Variants in TMEM108 observed in about 807,000 individuals in gnomAD.
The protein encoded by TMEM108 is transmembrane protein 108, also known as cancer/testis antigen 124.
In TMEM108, 12 loss-of-function variants were observed where a neutral mutation model predicts 35.1. The ratio of observed to expected loss-of-function variants is 0.34; its 90% CI spans 0.22 to 0.55. The LOEUF (loss-of-function observed/expected upper bound fraction) is 0.55, where lower values mean the gene tolerates loss of function less well. TMEM108 is among the 20% of genes least tolerant of loss of function. The pLI is 0.89. For missense variants in TMEM108, 680 were observed against 753.3 expected (o/e 0.90, Z 1.14); for synonymous variants, 287 against 308.6 (o/e 0.93, Z 0.73).
intron 3 of TMEM108, among the ~76,000 whole-genome samples, chr3:133,363,572 A>AT (rs889497378): frequency 6.6e-6 from 1 of 151,914 alleles, no homozygotes; most frequent in African/African-American, 2.4e-5. Flanking sequence ...CACCCAGCTA[A>AT]TTTTTTGCAT....
intron 2 of TMEM108, among the ~76,000 whole-genome samples, chr3:133,072,312 T>C (rs560426397): frequency 2.0e-5 from 3 of 152,226 alleles, no homozygotes; most frequent in Non-Finnish European, 4.4e-5. Context: ...TTATAATGAA[T>C]ATGACACTGC....
chr3:133,227,624 T>C (rs972109243), intron 2 of TMEM108, among the ~76,000 whole-genome samples: 2 of 151,396 alleles, frequency 1.3e-5, no homozygotes, highest in African/African-American at 2.4e-5. Flanking sequence ...AGGCCAGGCA[T>C]GGTGGCTCAC....
At chr3:133,384,821 C>T (rs994654827) in intron 4 of TMEM108, among the ~76,000 whole-genome samples, 1 of 152,200 alleles carries the variant, frequency 6.6e-6, no homozygotes, top group African/African-American at 2.4e-5. Context: ...TTGAAAATGC[C>T]TTCACCCATC....
chr3:133,113,813 T>TAA (rs746446709), intron 2 of TMEM108, among the ~76,000 whole-genome samples: 17 of 151,976 alleles, frequency 1.1e-4, no homozygotes, highest in Non-Finnish European at 2.1e-4. Context: ...TATATATATA[T>TAA]AATCATTGGT....
chr3:133,387,950 G>A lies in TMEM108; in HGVS notation c.1451-2230G>A, dbSNP rs115127417. ...AAATATCTTTCTACCTTAGAGAGGC[G>A]TGCAAACTATACAAATCTGACTCAC... is the stretch of plus-strand genomic sequence containing the variant. On this transcript the variant is annotated intron_variant, in intron 4 of 5. Transcript: ENST00000321871. 579 of 985,424 alleles carry A rather than the reference G, an allele frequency of 5.9e-4. 4 individuals are homozygous for A. In the African/African-American group the frequency reaches 8.9e-3, roughly 15 times the overall value. The allele number at this position is 985,424 out of a possible 1,614,324, so 61.0% of individuals were successfully genotyped here.
At chr3:133,160,683 C>T (rs1944948521) in intron 2 of TMEM108, among the ~76,000 whole-genome samples, 1 of 152,220 alleles carries the variant, frequency 6.6e-6, no homozygotes, top group Non-Finnish European at 1.5e-5. Flanking sequence ...TCACTGCTAA[C>T]CTATCTGTGC....
chr3:133,209,760 C>A (rs549162151), intron 2 of TMEM108, among the ~76,000 whole-genome samples: 3 of 152,256 alleles, frequency 2.0e-5, no homozygotes, highest in African/African-American at 7.2e-5. Context: ...ATGCCATCTT[C>A]AGGAAAAGGA....
chr3:133,187,580 T>C (rs1945438544), intron 2 of TMEM108, among the ~76,000 whole-genome samples: 3 of 152,232 alleles, frequency 2.0e-5, no homozygotes, highest in Admixed American at 1.3e-4. Flanking sequence ...TAAAACCCTG[T>C]CTCTACTAAA....
chr3:133,343,559 G>T (rs189193753), intron 3 of TMEM108, among the ~76,000 whole-genome samples: 52 of 151,990 alleles, frequency 3.4e-4, no homozygotes, highest in Admixed American at 7.2e-4. Context: ...GAACAAGGTT[G>T]CTGATTTGTG....
chr3:133,264,381 A>G (rs951684251), intron 3 of TMEM108, among the ~76,000 whole-genome samples: 1 of 152,034 alleles, frequency 6.6e-6, no homozygotes, highest in African/African-American at 2.4e-5. Flanking sequence ...TCAGCCATCT[A>G]TGTTCTCTTG....
intron 3 of TMEM108, among the ~76,000 whole-genome samples, chr3:133,249,013 G>T (rs1018687361): frequency 6.6e-6 from 1 of 152,154 alleles, no homozygotes. Flanking sequence ...GTATTTCAGG[G>T]TGCTGGTGGG....
intron 3 of TMEM108, among the ~76,000 whole-genome samples, chr3:133,356,052 T>C (rs2072156562): frequency 6.6e-6 from 1 of 152,070 alleles, no homozygotes; most frequent in Admixed American, 6.6e-5. Context: ...TCTCCAATGA[T>C]ATGATCATAT....
At chr3:133,100,232 T>C (rs1944070415) in intron 2 of TMEM108, among the ~76,000 whole-genome samples, 1 of 152,188 alleles carries the variant, frequency 6.6e-6, no homozygotes. Context: ...GGGGAAAGAT[T>C]GGCCCCCATG....
At chr3:133,220,548 A>G (rs906798371) in intron 2 of TMEM108, among the ~76,000 whole-genome samples, 2 of 152,196 alleles carry the variant, frequency 1.3e-5, no homozygotes, top group African/African-American at 4.8e-5. Context: ...CCACTTTTGA[A>G]TAAAAAATAT....
chr3:133,085,727 C>G (rs754986324), intron 2 of TMEM108, among the ~76,000 whole-genome samples: 10 of 151,896 alleles, frequency 6.6e-5, no homozygotes, highest in Non-Finnish European at 1.3e-4. Flanking sequence ...GTTGTACTTT[C>G]TTGCTAGACT....
At chr3:133,039,551 G>A (rs1943248554) in intron 1 of TMEM108, among the ~76,000 whole-genome samples, 1 of 152,154 alleles carries the variant, frequency 6.6e-6, no homozygotes, top group Non-Finnish European at 1.5e-5. Context: ...GTCAAGCTAT[G>A]GAAAGTATTC....
intron 3 of TMEM108, among the ~76,000 whole-genome samples, chr3:133,237,268 C>T (rs920313843): frequency 6.6e-6 from 1 of 152,068 alleles, no homozygotes; most frequent in Non-Finnish European, 1.5e-5. Flanking sequence ...ATGAAGCCAT[C>T]CTTGACTTTC....
intron 1 of TMEM108, among the ~76,000 whole-genome samples, chr3:133,043,982 A>G (rs1400045280): frequency 6.6e-6 from 1 of 152,206 alleles, no homozygotes; most frequent in Non-Finnish European, 1.5e-5. Flanking sequence ...ATTTTGAAGA[A>G]CATTTGCTTG....
intron 3 of TMEM108, among the ~76,000 whole-genome samples, chr3:133,361,279 C>T (rs2072340986): frequency 6.6e-6 from 1 of 152,204 alleles, no homozygotes; most frequent in Non-Finnish European, 1.5e-5. Context: ...AGAGCCTGCA[C>T]TAAGAGCAAG....
Sources: gnomAD v4.1 joint callset for allele counts (sites outside exome capture counted in the v4.1 genomes callset) on GRCh38, gnomAD v4.1.1 for gene constraint, MANE v1.5 for transcripts, NCBI Gene and HGNC (gene_info 2026-07-23, HGNC 2026-07-21) for gene names.